Variants in CDYL2 observed in about 807,000 individuals in gnomAD.
CDYL2 encodes chromodomain Y like 2.
A neutral mutation model predicts 49.4 loss-of-function variants in CDYL2; 23 were observed. That is an observed-to-expected ratio of 0.47 (90% CI 0.34 to 0.66). CDYL2 has a LOEUF of 0.66. CDYL2 is among the 30% of genes least tolerant of loss of function. The pLI, the probability that CDYL2 is intolerant of heterozygous loss-of-function variation, is 0.01. For missense variants in CDYL2, 678 were observed against 656.4 expected (o/e 1.03, Z -0.36); for synonymous variants, 360 against 268.8 (o/e 1.34, Z -3.32).
At chr16:80,671,797 T>C (rs1249512998) in intron 2 of CDYL2, among the ~76,000 whole-genome samples, 2 of 152,222 alleles carry the variant, frequency 1.3e-5, no homozygotes, top group Non-Finnish European at 2.9e-5. Context: ...TTATTCTTTT[T>C]TGGATGGAGT....
intron 1 of CDYL2, among the ~76,000 whole-genome samples, chr16:80,758,421 T>A (rs768315941): frequency 1.3e-5 from 2 of 152,096 alleles, no homozygotes; most frequent in Non-Finnish European, 2.9e-5. Context: ...GGGAGGTAAT[T>A]TCGAAGTAAG....
chr16:80,663,167 CCA>C (rs1238009810), intron 2 of CDYL2, among the ~76,000 whole-genome samples: 1 of 149,900 alleles, frequency 6.7e-6, no homozygotes, highest in East Asian at 1.9e-4. Context: ...TCCATTCTCC[CCA>C]GTGTTCCAAT....
intron 1 of CDYL2, among the ~76,000 whole-genome samples, chr16:80,727,633 C>A (rs949297156): frequency 6.6e-6 from 1 of 152,236 alleles, no homozygotes; most frequent in African/African-American, 2.4e-5. Flanking sequence ...GTAGGCTCCA[C>A]CTCTGGGGGC....
rs536666294 is a variant in CDYL2, at chr16:80,765,973, C to T, written c.24+38177G>A. 4.0e-5 allele frequency among the ~76,000 whole-genome samples: 6 copies of T among 150,790 alleles called. No individual in the cohort carries two copies. In the East Asian group the frequency reaches 1.2e-3, roughly 30 times the overall value. On this transcript the variant is annotated intron_variant, in intron 1 of 6. Transcript: ENST00000570137. The stretch of plus-strand genomic sequence containing the variant: ...ATGTTAAATAGAAGAAACCAGTCTT[C>T]TATTGTATGATCACACATCGCATGA...
chr16:80,632,030 T>C lies in CDYL2; in HGVS notation c.834+989A>G, dbSNP rs75009645. 7.5e-3 allele frequency among the ~76,000 whole-genome samples: 1,145 copies of C among 152,296 alleles called. 10 individuals carry two copies. The Middle Eastern group carries it at 0.088, about 12-fold the overall frequency. ...CAATATGACCCAGCAATTCTAAGAA[T>C]TGGAATAGACTCAAGAAAATCATAT... On this transcript the variant is annotated intron_variant, in intron 3 of 6. Coordinates refer to ENST00000570137, the MANE Select transcript of CDYL2 (RefSeq NM_152342.4).
At chr16:80,759,540 G>T (rs1025305498) in intron 1 of CDYL2, among the ~76,000 whole-genome samples, 1 of 152,066 alleles carries the variant, frequency 6.6e-6, no homozygotes, top group Non-Finnish European at 1.5e-5. Context: ...TGAATCAGTG[G>T]GCAGGAAAAG....
rs868536356 is a variant in CDYL2, at chr16:80,603,705, C to T, written c.*683G>A. 1.3e-5 allele frequency: 2 copies of T among 152,564 alleles called. No homozygotes were observed. Among genetic ancestry groups the T allele is most frequent in the Non-Finnish European group, 1.5e-5 (1 of 68,016 alleles). 9.5% of individuals were successfully genotyped at this position (152,564 alleles called of 1,614,324 possible). The stretch of plus-strand genomic sequence containing the variant: ...GTCCAAGGAAAGAAAAAACATTTCC[C>T]TAGTAGTTTGTTTTTGCAAAACTAG... On this transcript the variant is annotated 3_prime_UTR_variant, in exon 7 of 7. Coordinates refer to ENST00000570137, the MANE Select transcript of CDYL2 (RefSeq NM_152342.4).
intron 1 of CDYL2, among the ~76,000 whole-genome samples, chr16:80,765,801 G>C (rs1440887943): frequency 3.4e-5 from 5 of 145,170 alleles, no homozygotes; most frequent in African/African-American, 1.0e-4. Flanking sequence ...GGCTACCTGG[G>C]AGGCTGAGGT....
At position 80,601,926 on chromosome 16, in the gene CDYL2, A is replaced by C. The variant is rs1906104514; in HGVS notation, c.*2462T>G. ...GATTTGATAGTACATCCAAAGCTGA[A>C]GCATTTCTAGTTCTTTCAAGCAGGG... On this transcript the variant is annotated 3_prime_UTR_variant, in exon 7 of 7. Transcript: ENST00000570137. The C allele has an allele frequency of 6.6e-6, 1 of 152,208 alleles. No individual in the cohort carries two copies. The highest frequency in any genetic ancestry group is 6.5e-5 in the Admixed American group (1 of 15,284). The allele number at this position is 152,208 out of a possible 1,614,324, so 9.4% of individuals were successfully genotyped here.
chr16:80,642,293 A>G (rs1908131412), intron 2 of CDYL2, among the ~76,000 whole-genome samples: 1 of 152,232 alleles, frequency 6.6e-6, no homozygotes, highest in East Asian at 1.9e-4. Context: ...AAATGCAAAA[A>G]TTAGCTGGGC....
intron 1 of CDYL2, among the ~76,000 whole-genome samples, chr16:80,710,029 G>A (rs773642297): frequency 2.6e-5 from 4 of 151,774 alleles, no homozygotes; most frequent in Non-Finnish European, 5.9e-5. Flanking sequence ...CCTGTTTCAA[G>A]TGATTCTCCT....
intron 2 of CDYL2, among the ~76,000 whole-genome samples, chr16:80,650,756 G>C (rs1369970611): frequency 6.6e-6 from 1 of 151,980 alleles, no homozygotes; most frequent in East Asian, 1.9e-4. Flanking sequence ...AAGAAAATGT[G>C]GTACTTATAC....
chr16:80,645,813 G>C, intron 2 of CDYL2, among the ~76,000 whole-genome samples: 1 of 151,770 alleles, frequency 6.6e-6, no homozygotes, highest in East Asian at 1.9e-4. Flanking sequence ...CCATAAAAAA[G>C]GATGAGTTCA....
chr16:80,799,020 T>C (rs1277167426), intron 1 of CDYL2, among the ~76,000 whole-genome samples: 4 of 151,698 alleles, frequency 2.6e-5, no homozygotes. Flanking sequence ...TATCTATATA[T>C]AGATATATAT....
chr16:80,745,796 T>A (rs1202715934), intron 1 of CDYL2, among the ~76,000 whole-genome samples: 4 of 152,184 alleles, frequency 2.6e-5, no homozygotes, highest in Non-Finnish European at 5.9e-5. Flanking sequence ...ATCCTCCCTA[T>A]GACCAGGACA....
At chr16:80,638,202 G>C (rs995620331) in intron 2 of CDYL2, among the ~76,000 whole-genome samples, 1 of 151,924 alleles carries the variant, frequency 6.6e-6, no homozygotes, top group Non-Finnish European at 1.5e-5. Flanking sequence ...AGCCTCCCAA[G>C]TAGCTGGGAC....
At chr16:80,665,143 T>C (rs990259785) in intron 2 of CDYL2, among the ~76,000 whole-genome samples, 2 of 152,196 alleles carry the variant, frequency 1.3e-5, no homozygotes, top group African/African-American at 2.4e-5. Flanking sequence ...TTGAAATAGA[T>C]GTTACATATT....
intron 1 of CDYL2, among the ~76,000 whole-genome samples, chr16:80,722,802 G>T (rs1257292333): frequency 1.3e-5 from 2 of 152,180 alleles, no homozygotes. Context: ...TATAATCCAT[G>T]CCAGGAGACA....
chr16:80,727,458 G>C (rs1294135960), intron 1 of CDYL2, among the ~76,000 whole-genome samples: 3 of 152,224 alleles, frequency 2.0e-5, no homozygotes, highest in African/African-American at 7.2e-5. Context: ...CGCCCACGGA[G>C]TCTCGCTGAT....
Sources: gnomAD v4.1 joint callset for allele counts (sites outside exome capture counted in the v4.1 genomes callset) on GRCh38, gnomAD v4.1.1 for gene constraint, MANE v1.5 for transcripts, NCBI Gene and HGNC (gene_info 2026-07-23, HGNC 2026-07-21) for gene names.